SLC27A6: variants seen among roughly 807,000 people sequenced by gnomAD.
SLC27A6 encodes long-chain fatty acid transport protein 6.
Under a neutral mutation model 63.9 loss-of-function variants are expected in SLC27A6, and 74 were observed. The ratio of observed to expected loss-of-function variants is 1.16; its 90% CI spans 0.96 to 1.40. The LOEUF (loss-of-function observed/expected upper bound fraction) is 1.40. Among genes scored for constraint, SLC27A6 ranks in the 40% most tolerant of loss-of-function variants. SLC27A6 has a pLI of 0.00. For synonymous variants in SLC27A6, 287 were observed against 260.8 expected (o/e 1.10, Z -0.97); for missense variants, 794 against 732.9 (o/e 1.08, Z -0.96).
chr5:128,976,268 A>G (rs1750375571), intron 1 of SLC27A6, among the ~76,000 whole-genome samples: 1 of 152,126 alleles, frequency 6.6e-6, no homozygotes, highest in Non-Finnish European at 1.5e-5. Context: ...CAGAACTTTC[A>G]GAGGCCAAGG....
At chr5:129,027,016 A>G in intron 6 of SLC27A6, 117 bp from the exon 7 acceptor site, 1 of 788,038 alleles carries the variant, frequency 1.3e-6, no homozygotes. Flanking sequence ...ATAGGTTCAG[A>G]GGAAGCTGAG....
intron 4 of SLC27A6, among the ~76,000 whole-genome samples, chr5:129,006,646 T>G (rs1329884231): frequency 6.6e-6 from 1 of 152,184 alleles, no homozygotes; most frequent in African/African-American, 2.4e-5. Context: ...CTGAAACATG[T>G]TACTGGTAAC....
chr5:128,970,490 G>A (rs36175029), intron 1 of SLC27A6, among the ~76,000 whole-genome samples: 36,394 of 151,668 alleles, frequency 0.24, 4,854 homozygotes, highest in Middle Eastern at 0.31. Flanking sequence ...GTCTTGTGAC[G>A]GTGTATGTGT....
intron 6 of SLC27A6, among the ~76,000 whole-genome samples, chr5:129,026,863 G>T (rs1752261193): frequency 1.3e-5 from 2 of 151,942 alleles, no homozygotes; most frequent in Non-Finnish European, 2.9e-5. Context: ...TATCCACCTG[G>T]GAAGTATAAG....
chr5:128,982,096 G>T (rs544879805), intron 1 of SLC27A6, among the ~76,000 whole-genome samples: 3 of 152,124 alleles, frequency 2.0e-5, no homozygotes, highest in African/African-American at 7.2e-5. Flanking sequence ...TTACAGGCAT[G>T]AGCCACCACG....
chr5:128,983,289 G>GAT (rs1241719309), intron 1 of SLC27A6, among the ~76,000 whole-genome samples: 1 of 111,108 alleles, frequency 9.0e-6, no homozygotes, highest in African/African-American at 3.4e-5. Flanking sequence ...TCTGATCCGG[G>GAT]TTTTTTTTTT....
At chr5:129,014,640 GA>G (rs1196957836) in intron 4 of SLC27A6, among the ~76,000 whole-genome samples, 4 of 152,156 alleles carry the variant, frequency 2.6e-5, no homozygotes, top group Non-Finnish European at 5.9e-5. Flanking sequence ...CATCTCCAGA[GA>G]TTACTTTCCA....
chr5:128,983,637 T>A (rs258004), intron 1 of SLC27A6, among the ~76,000 whole-genome samples: 1 of 151,904 alleles, frequency 6.6e-6, no homozygotes, highest in East Asian at 1.9e-4. Flanking sequence ...TTTTTTCTTT[T>A]TTGCCATTTA....
chr5:128,989,923 CAAAA>C (rs11415836), intron 3 of SLC27A6, among the ~76,000 whole-genome samples: 5 of 96,462 alleles, frequency 5.2e-5, no homozygotes, highest in Non-Finnish European at 4.1e-5. Context: ...GACTCCGTCT[CAAAA>C]AAAAAAAAAA....
chr5:128,972,597 G>T (rs1203495994), intron 1 of SLC27A6, among the ~76,000 whole-genome samples: 1 of 152,132 alleles, frequency 6.6e-6, no homozygotes, highest in Non-Finnish European at 1.5e-5. Flanking sequence ...CAGTTCTCGT[G>T]CCATGGTTTT....
At chr5:128,972,210 C>G (rs1304949989) in intron 1 of SLC27A6, among the ~76,000 whole-genome samples, 1 of 152,168 alleles carries the variant, frequency 6.6e-6, no homozygotes, top group Non-Finnish European at 1.5e-5. Flanking sequence ...TCCTTCATTT[C>G]AACTTTGGTG....
chr5:129,033,019 T>A, intron 9 of SLC27A6, 87 bp from the exon 10 acceptor site: 3 of 721,640 alleles, frequency 4.2e-6, no homozygotes, highest in Non-Finnish European at 6.2e-6. Flanking sequence ...AGTGTCATAA[T>A]TTAATATTAC....
chr5:129,029,773 A>G, intron 9 of SLC27A6, 66 bp downstream of exon 9: 1 of 1,377,928 alleles, frequency 7.3e-7, no homozygotes, highest in South Asian at 1.3e-5. Flanking sequence ...TTTAATTGCA[A>G]AATAATATTG....
chr5:129,024,951 A>G (rs1752187314), intron 6 of SLC27A6, among the ~76,000 whole-genome samples: 1 of 152,196 alleles, frequency 6.6e-6, no homozygotes, highest in South Asian at 2.1e-4. Context: ...GGCATTTATC[A>G]AATATGTTTC....
At chr5:129,007,294 A>C (rs1751573611) in intron 4 of SLC27A6, among the ~76,000 whole-genome samples, 1 of 151,870 alleles carries the variant, frequency 6.6e-6, no homozygotes, top group Non-Finnish European at 1.5e-5. Context: ...AAATACAAAA[A>C]TTAGCCAGGT....
intron 4 of SLC27A6, among the ~76,000 whole-genome samples, chr5:129,003,474 G>A (rs1173968429): frequency 6.6e-6 from 1 of 152,136 alleles, no homozygotes; most frequent in Non-Finnish European, 1.5e-5. Flanking sequence ...GCTGAGTTCT[G>A]CTTGATCAAT....
At chr5:129,013,576 C>T (rs1291652815) in intron 4 of SLC27A6, among the ~76,000 whole-genome samples, 2 of 151,872 alleles carry the variant, frequency 1.3e-5, no homozygotes. Flanking sequence ...TAAAATTCTC[C>T]CTCTCTTTTT....
chr5:129,026,775 A>G (rs1031128357), intron 6 of SLC27A6, among the ~76,000 whole-genome samples: 5 of 152,124 alleles, frequency 3.3e-5, no homozygotes, highest in African/African-American at 7.2e-5. Flanking sequence ...CTATCACTAC[A>G]TTTGTTATTT....
intron 1 of SLC27A6, among the ~76,000 whole-genome samples, chr5:128,970,778 A>G (rs1362449538): frequency 2.0e-5 from 3 of 147,636 alleles, no homozygotes; most frequent in Non-Finnish European, 3.0e-5. Context: ...CTCTGATCTT[A>G]GTTATTTCTT....
Sources: gnomAD v4.1 joint callset for allele counts (sites outside exome capture counted in the v4.1 genomes callset) on GRCh38, gnomAD v4.1.1 for gene constraint, MANE v1.5 for transcripts, NCBI Gene and HGNC (gene_info 2026-07-23, HGNC 2026-07-21) for gene names.